The following AGPAT3 variants were observed in gnomAD, a reference collection of about 807,000 sequenced individuals.
AGPAT3 encodes 1-acyl-sn-glycerol-3-phosphate acyltransferase gamma.
A neutral mutation model predicts 47.3 loss-of-function variants in AGPAT3; 5 were observed. The ratio of observed to expected loss-of-function variants is 0.11; its 90% CI spans 0.06 to 0.22. AGPAT3 has a LOEUF of 0.22. Ranked by LOEUF, AGPAT3 falls within the 10% of genes least tolerant of loss-of-function variation. The pLI is 1.00. For missense variants in AGPAT3, 315 were observed against 493.0 expected, an observed-to-expected ratio of 0.64 and a Z score of 3.42; for synonymous variants, 212 against 208.3, an observed-to-expected ratio of 1.02 and a Z score of -0.15.
intron 2 of AGPAT3, among the ~76,000 whole-genome samples, chr21:43,948,883 C>T (rs139945579): frequency 0.014 from 2,126 of 152,006 alleles, 33 homozygotes; most frequent in Non-Finnish European, 0.016. Flanking sequence ...ACAGTGGCTG[C>T]AGATCCACAC....
At chr21:43,905,222 C>T (rs936751752) in intron 2 of AGPAT3, among the ~76,000 whole-genome samples, 3 of 151,152 alleles carry the variant, frequency 2.0e-5, no homozygotes, top group Non-Finnish European at 2.9e-5. Context: ...GACAGTCTGG[C>T]TCTGTCGCCC....
Position 43,985,463 on chromosome 21 carries a change from C to G in AGPAT3, c.*3071C>G. 1 of 320,716 alleles carries G rather than the reference C, an allele frequency of 3.1e-6. No homozygotes were observed. The highest frequency in any genetic ancestry group is 2.5e-5 in the South Asian group (1 of 40,176). 19.9% of individuals were successfully genotyped at this position (320,716 alleles called of 1,614,324 possible). A position where few individuals can be genotyped will look rare whatever the true frequency, so the allele number is the denominator to read the frequency against. The stretch of plus-strand genomic sequence containing the variant: ...TCTCTCTGCCTTGCCTGTCCCGACT[C>G]CCTTTCGCGCACCGTGGCATGAGAA... On this transcript the variant is annotated 3_prime_UTR_variant, in exon 10 of 10. Coordinates refer to ENST00000291572, the MANE Select transcript of AGPAT3 (RefSeq NM_020132.5).
chr21:43,980,892 G>A (rs1180661394), intron 8 of AGPAT3, 97 bp from the exon 9 acceptor site: 4 of 1,209,408 alleles, frequency 3.3e-6, no homozygotes, highest in Non-Finnish European at 4.7e-6. Context: ...CTTTTTTTAG[G>A]TTGAGTCGTT....
intron 2 of AGPAT3, among the ~76,000 whole-genome samples, chr21:43,928,054 GC>G (rs1404821729): frequency 1.3e-5 from 2 of 152,246 alleles, no homozygotes; most frequent in African/African-American, 2.4e-5. Context: ...GGCACCTGCT[GC>G]CCCGTGCCCT....
At position 43,987,150 on chromosome 21, in the gene AGPAT3, T is replaced by C. The variant is rs2030380011; in HGVS notation, c.*4758T>C. Among the ~76,000 whole-genome samples the C allele has an allele frequency of 6.6e-6, 1 of 152,236 alleles. No homozygotes were observed. The highest frequency in any genetic ancestry group is 6.5e-5 in the Admixed American group (1 of 15,272). ...ATATAAGAGAAAGCGACTCCGTGCC[T>C]CCTTCTGTTTCTTCGTTTCCAGTCT... On this transcript the variant is annotated 3_prime_UTR_variant, in exon 10 of 10. Coordinates refer to ENST00000291572, the MANE Select transcript of AGPAT3 (RefSeq NM_020132.5).
intron 2 of AGPAT3, among the ~76,000 whole-genome samples, chr21:43,943,539 C>T (rs995173309): frequency 2.0e-5 from 3 of 152,228 alleles, no homozygotes; most frequent in Non-Finnish European, 4.4e-5. Context: ...CCAGAACCCT[C>T]AAGAGAAAGC....
intron 7 of AGPAT3, among the ~76,000 whole-genome samples, chr21:43,974,722 G>A (rs1196091902): frequency 6.6e-6 from 1 of 151,960 alleles, no homozygotes; most frequent in Non-Finnish European, 1.5e-5. Flanking sequence ...TAAATTGTAT[G>A]TGTTTGATGT....
At chr21:43,950,025 G>A (rs892060332) in intron 2 of AGPAT3, among the ~76,000 whole-genome samples, 1 of 152,212 alleles carries the variant, frequency 6.6e-6, no homozygotes, top group African/African-American at 2.4e-5. Flanking sequence ...AAAGGCACCA[G>A]CCAGGCAGTC....
At chr21:43,943,145 G>A (rs1569078615) in intron 2 of AGPAT3, among the ~76,000 whole-genome samples, 1 of 152,136 alleles carries the variant, frequency 6.6e-6, no homozygotes, top group Non-Finnish European at 1.5e-5. Flanking sequence ...AGTGATCTCA[G>A]CTCACTGCAA....
chr21:43,959,558 G>A lies in AGPAT3; in HGVS notation c.-48-76G>A. ...GCGTGAGGCATGTGCGGGGTGTGCA[G>A]TGAGCAGTGCCCCGGTGTTCCTGTG... On this transcript the variant is annotated intron_variant, in intron 2 of 9. Coordinates refer to ENST00000291572, the MANE Select transcript of AGPAT3 (RefSeq NM_020132.5). The A allele has an allele frequency of 4.4e-6, 6 of 1,361,300 alleles. No individual in the cohort carries two copies. In the South Asian group the frequency reaches 6.0e-5, roughly 14 times the overall value. 84.3% of individuals were successfully genotyped at this position (1,361,300 alleles called of 1,614,324 possible).
intron 3 of AGPAT3, among the ~76,000 whole-genome samples, chr21:43,960,957 A>G (rs2088802893): frequency 6.6e-6 from 1 of 152,100 alleles, no homozygotes; most frequent in Non-Finnish European, 1.5e-5. Context: ...CCTGAGCAAC[A>G]TGGTGAAACC....
intron 2 of AGPAT3, among the ~76,000 whole-genome samples, chr21:43,915,244 A>T (rs1205505934): frequency 6.9e-6 from 1 of 145,632 alleles, no homozygotes; most frequent in Admixed American, 6.9e-5. Context: ...TAGAGATGGG[A>T]TTTTACCATG....
In AGPAT3 at chr21:43,934,795, CGCCACCCAT is replaced by C. The variant is rs1181985336; in HGVS notation, c.-48-24830_-48-24822del. ...CATCACGCCACCCACGCCACTCACA[CGCCACCCAT>C]GCCACCCACACCACCTCTACCCCTC... On this transcript the variant is annotated intron_variant, in intron 2 of 9. Coordinates refer to ENST00000291572, the MANE Select transcript of AGPAT3 (RefSeq NM_020132.5). This position sits in a 1 kb window ranked among gnomAD's most constrained non-coding sequence, Gnocchi z 4.7. Among the ~76,000 whole-genome samples the C allele has an allele frequency of 8.1e-5, 12 of 148,908 alleles. No homozygotes were observed. Among genetic ancestry groups the C allele is most frequent in the Admixed American group, 4.0e-4 (6 of 14,922 alleles).
At chr21:43,890,240 C>T (rs1406969668) in intron 1 of AGPAT3, among the ~76,000 whole-genome samples, 1 of 152,160 alleles carries the variant, frequency 6.6e-6, no homozygotes, top group Non-Finnish European at 1.5e-5. Flanking sequence ...CCCTCCCCCT[C>T]TGTCTTCCTG....
rs1325476030 is a variant in AGPAT3, at chr21:43,934,082, T to C, written c.-48-25552T>C. Among the ~76,000 whole-genome samples the C allele has an allele frequency of 6.6e-6, 1 of 152,216 alleles. No individual in the cohort carries two copies. Among genetic ancestry groups the C allele is most frequent in the Non-Finnish European group, 1.5e-5 (1 of 68,034 alleles). On this transcript the variant is annotated intron_variant, in intron 2 of 9. Coordinates refer to ENST00000291572, the MANE Select transcript of AGPAT3 (RefSeq NM_020132.5). This position sits in a 1 kb window ranked among gnomAD's most constrained non-coding sequence, Gnocchi z 4.7. ...GCAGGTGTCTGCCCTACATTGCTCA[T>C]CCTTGGTAGTTTGGGTGATGAGGTT... is the stretch of plus-strand genomic sequence containing the variant.
chr21:43,927,556 T>G lies in AGPAT3; in HGVS notation c.-49+23537T>G, dbSNP rs532764109. ...CCTCTCTGCTCTTCCCGTCTTAAAT[T>G]GCAGCAGGCTTCTTTCCAGCTAGAG... On this transcript the variant is annotated intron_variant, in intron 2 of 9. Coordinates refer to ENST00000291572, the MANE Select transcript of AGPAT3 (RefSeq NM_020132.5). Among the ~76,000 whole-genome samples, 84 of 152,344 alleles carry G rather than the reference T, an allele frequency of 5.5e-4. 1 individual carries two copies. Among genetic ancestry groups the G allele is most frequent in the Admixed American group, 3.5e-3 (53 of 15,308 alleles).
Position 43,970,795 on chromosome 21 carries a change from T to C in AGPAT3, c.653T>C (p.Leu218Pro). ...GGCTTCACCACCGCAGTCAAGTGCCTCCGGGGGACAGGTAGGCCCCAGACT... is the reference window on the plus strand; with the variant it reads ...GGCTTCACCACCGCAGTCAAGTGCCCCCGGGGGACAGGTAGGCCCCAGACT... Reference protein sequence around the residue: ...TKGFTTAVKCLRGTVAAVYDV... With the variant: ...TKGFTTAVKCPRGTVAAVYDV... The change falls in exon 6 of 10, where the codon CTC becomes CCC. Residue 218 changes from leucine to proline, a missense_variant. Transcript: ENST00000291572. This position sits in a 1 kb window ranked among gnomAD's most constrained non-coding sequence, Gnocchi z 5.8. 6.3e-7 allele frequency: 1 copy of C among 1,581,466 alleles called. No individual in the cohort carries two copies.
chr21:43,919,368 T>C (rs1485557178), intron 2 of AGPAT3, among the ~76,000 whole-genome samples: 2 of 152,216 alleles, frequency 1.3e-5, no homozygotes, highest in African/African-American at 4.8e-5. Context: ...TCTCATAGCT[T>C]AGCTCCCACT....
chr21:43,907,072 C>T (rs1322497881), intron 2 of AGPAT3, among the ~76,000 whole-genome samples: 1 of 146,626 alleles, frequency 6.8e-6, no homozygotes, highest in Non-Finnish European at 1.5e-5. Context: ...CTCTCTGTCT[C>T]CCAGGCTGGA....
Sources: gnomAD v4.1 joint callset for allele counts (sites outside exome capture counted in the v4.1 genomes callset) on GRCh38, gnomAD v4.1.1 for gene constraint, Gnocchi (gnomAD v3.1) non-coding constraint, MANE v1.5 for transcripts, NCBI Gene and HGNC (gene_info 2026-07-23, HGNC 2026-07-21) for gene names.